SPAG16: variants seen among roughly 807,000 people sequenced by gnomAD.
SPAG16 encodes sperm associated antigen 16.
A neutral mutation model predicts 80.4 loss-of-function variants in SPAG16; 86 were observed. The observed-to-expected ratio is 1.07, with a 90% CI of 0.90 to 1.28. The LOEUF is 1.28. Among genes scored for constraint, SPAG16 ranks in the 50% most tolerant of loss-of-function variants. The pLI is 0.00. For missense variants in SPAG16, 870 were observed against 765.3 expected (o/e 1.14, Z -1.61); for synonymous variants, 294 against 265.9 (o/e 1.11, Z -1.03).
chr2:213,988,444 T>C (rs1227737954), intron 12 of SPAG16, among the ~76,000 whole-genome samples: 1 of 152,118 alleles, frequency 6.6e-6, no homozygotes, highest in African/African-American at 2.4e-5. Flanking sequence ...GATAAAGATA[T>C]CTGGAAAGTC....
chr2:213,300,775 G>A (rs975430887), intron 3 of SPAG16, among the ~76,000 whole-genome samples: 1 of 152,018 alleles, frequency 6.6e-6, no homozygotes, highest in Non-Finnish European at 1.5e-5. Flanking sequence ...TATAATTCTT[G>A]ATAGGTATAA....
intron 10 of SPAG16, among the ~76,000 whole-genome samples, chr2:213,781,356 T>G (rs1282546372): frequency 6.6e-6 from 1 of 152,196 alleles, no homozygotes; most frequent in Non-Finnish European, 1.5e-5. Flanking sequence ...AAGGCATTAA[T>G]AGATATAAGA....
intron 12 of SPAG16, among the ~76,000 whole-genome samples, chr2:213,962,276 CT>C (rs2044478015): frequency 6.6e-6 from 1 of 151,082 alleles, no homozygotes; most frequent in Non-Finnish European, 1.5e-5. Flanking sequence ...TCACTGCAAG[CT>C]CGCCTCCTGG....
chr2:213,819,170 C>G (rs2072770184), intron 10 of SPAG16, among the ~76,000 whole-genome samples: 2 of 152,096 alleles, frequency 1.3e-5, no homozygotes, highest in Non-Finnish European at 2.9e-5. Context: ...TTATTTTATT[C>G]CCATGATTCC....
At chr2:213,591,595 C>T (rs935499280) in intron 10 of SPAG16, among the ~76,000 whole-genome samples, 1 of 152,100 alleles carries the variant, frequency 6.6e-6, no homozygotes, top group Non-Finnish European at 1.5e-5. Flanking sequence ...AGGCATTAAT[C>T]AGGATCATCA....
At chr2:214,055,593 T>A (rs1481807887) in intron 13 of SPAG16, among the ~76,000 whole-genome samples, 2 of 152,182 alleles carry the variant, frequency 1.3e-5, no homozygotes, top group Non-Finnish European at 2.9e-5. Context: ...ACTAAATGTG[T>A]CTAAAATGTA....
intron 15 of SPAG16, among the ~76,000 whole-genome samples, chr2:214,309,656 T>G (rs1160903641): frequency 6.6e-6 from 1 of 152,148 alleles, no homozygotes; most frequent in East Asian, 1.9e-4. Context: ...TGGGAGATTT[T>G]AGGGGGCCAA....
intron 12 of SPAG16, among the ~76,000 whole-genome samples, chr2:213,974,462 G>A (rs2045252629): frequency 6.6e-6 from 1 of 151,488 alleles, no homozygotes; most frequent in African/African-American, 2.4e-5. Flanking sequence ...TAAAATACTA[G>A]GCAAATGCAG....
At chr2:213,801,958 A>G (rs750209240) in intron 10 of SPAG16, among the ~76,000 whole-genome samples, 9 of 152,236 alleles carry the variant, frequency 5.9e-5, no homozygotes, top group Non-Finnish European at 1.3e-4. Flanking sequence ...TATAAGTTAT[A>G]TATAAGACAT....
At chr2:213,840,463 A>G (rs1186377791) in intron 10 of SPAG16, among the ~76,000 whole-genome samples, 1 of 152,212 alleles carries the variant, frequency 6.6e-6, no homozygotes, top group Non-Finnish European at 1.5e-5. Context: ...TAAAAAGCAA[A>G]TGAGAAATAA....
intron 15 of SPAG16, among the ~76,000 whole-genome samples, chr2:214,229,067 C>G (rs1688501699): frequency 6.6e-6 from 1 of 151,482 alleles, no homozygotes; most frequent in African/African-American, 2.4e-5. Flanking sequence ...AGTATTATAC[C>G]AGGGACTATG....
At chr2:213,701,545 G>T (rs2065420513) in intron 10 of SPAG16, among the ~76,000 whole-genome samples, 1 of 152,050 alleles carries the variant, frequency 6.6e-6, no homozygotes, top group South Asian at 2.1e-4. Flanking sequence ...CTGCTTGTGG[G>T]GAGGTGTGGA....
chr2:214,208,884 A>G (rs895055891), intron 15 of SPAG16, among the ~76,000 whole-genome samples: 9 of 152,210 alleles, frequency 5.9e-5, no homozygotes, highest in Non-Finnish European at 1.3e-4. Context: ...GGTGGGGAAG[A>G]AATAAATAAT....
At chr2:214,358,558 T>C (rs930532796) in intron 15 of SPAG16, among the ~76,000 whole-genome samples, 2 of 151,578 alleles carry the variant, frequency 1.3e-5, no homozygotes, top group Non-Finnish European at 2.9e-5. Context: ...GCAGAACCTA[T>C]GGAATCTACC....
intron 10 of SPAG16, among the ~76,000 whole-genome samples, chr2:213,765,704 A>T (rs894902501): frequency 1.3e-5 from 2 of 152,176 alleles, no homozygotes; most frequent in African/African-American, 2.4e-5. Context: ...TTCTTTTAAA[A>T]TTAAGACATT....
chr2:214,130,894 G>A (rs1047714087), intron 14 of SPAG16, among the ~76,000 whole-genome samples: 9 of 152,038 alleles, frequency 5.9e-5, no homozygotes, highest in Admixed American at 5.9e-4. Context: ...TGAATAAAAC[G>A]TTAGTTTCAA....
chr2:213,817,782 C>T (rs79722459), intron 10 of SPAG16, among the ~76,000 whole-genome samples: 2,904 of 152,024 alleles, frequency 0.019, 38 homozygotes, highest in Middle Eastern at 0.027. Context: ...TACTCAGGGG[C>T]ATAAAGATGG....
chr2:214,040,677 T>C (rs1425583722), intron 13 of SPAG16, among the ~76,000 whole-genome samples: 1 of 152,176 alleles, frequency 6.6e-6, no homozygotes, highest in Non-Finnish European at 1.5e-5. Flanking sequence ...GTACCTTATT[T>C]TGTATGTAGC....
At chr2:214,336,417 A>G (rs1041433419) in intron 15 of SPAG16, among the ~76,000 whole-genome samples, 5 of 152,220 alleles carry the variant, frequency 3.3e-5, no homozygotes. Flanking sequence ...GAATAATTCA[A>G]TGAGGAAGAC....
Sources: allele counts gnomAD v4.1 joint callset (sites outside exome capture counted in the v4.1 genomes callset), GRCh38; gene constraint gnomAD v4.1.1; transcripts MANE v1.5; gene names NCBI Gene and HGNC (gene_info 2026-07-23, HGNC 2026-07-21).